The following ZDHHC17 variants were observed in gnomAD, a reference collection of about 807,000 sequenced individuals.
ZDHHC17 encodes palmitoyltransferase ZDHHC17.
In ZDHHC17, 40 loss-of-function variants were observed where a neutral mutation model predicts 90.3. That is an observed-to-expected ratio of 0.44 (90% CI 0.34 to 0.58). ZDHHC17 has a LOEUF of 0.58. ZDHHC17 is among the 20% of genes least tolerant of loss of function. ZDHHC17 has a pLI of 0.01. For missense variants in ZDHHC17, 614 were observed against 780.8 expected, an observed-to-expected ratio of 0.79 and a Z score of 2.55; for synonymous variants, 235 against 252.4, an observed-to-expected ratio of 0.93 and a Z score of 0.65.
intron 2 of ZDHHC17, among the ~76,000 whole-genome samples, chr12:76,799,902 G>T (rs1186071975): frequency 6.6e-6 from 1 of 152,156 alleles, no homozygotes; most frequent in Non-Finnish European, 1.5e-5. Flanking sequence ...CACAATGAGA[G>T]ATCTTTGGGG....
intron 10 of ZDHHC17, among the ~76,000 whole-genome samples, chr12:76,837,242 T>G (rs2137797678): frequency 6.6e-6 from 1 of 152,300 alleles, no homozygotes; most frequent in African/African-American, 2.4e-5. Context: ...TTCAGGTGGC[T>G]CTTGTGCCTC....
intron 15 of ZDHHC17, 78 bp downstream of exon 15, chr12:76,848,468 C>T: frequency 7.1e-7 from 1 of 1,411,418 alleles, no homozygotes; most frequent in Non-Finnish European, 9.6e-7. Flanking sequence ...AATATATTCT[C>T]TTCCTAACCA....
At position 76,846,941 on chromosome 12, in the gene ZDHHC17, C is replaced by T. The variant is rs546062592; in HGVS notation, c.1507+262C>T. Among the ~76,000 whole-genome samples the T allele has an allele frequency of 8.5e-5, 13 of 152,314 alleles. No individual in the cohort carries two copies. In the South Asian group the frequency reaches 2.5e-3, roughly 29 times the overall value. ...TATTGGTTTAATAGGCTTTGAGAAGCTTCTGGGTGAAATACATCAACATTT... is the reference window on the plus strand; with the variant it reads ...TATTGGTTTAATAGGCTTTGAGAAGTTTCTGGGTGAAATACATCAACATTT... On this transcript the variant is annotated intron_variant, in intron 14 of 16. Coordinates refer to ENST00000426126, the MANE Select transcript of ZDHHC17 (RefSeq NM_015336.4).
At chr12:76,819,024 G>A (rs1206035161) in intron 7 of ZDHHC17, among the ~76,000 whole-genome samples, 1 of 152,166 alleles carries the variant, frequency 6.6e-6, no homozygotes, top group East Asian at 1.9e-4. Flanking sequence ...GAGGTAGAGA[G>A]AAATGACTGG....
At chr12:76,766,568 C>T (rs902060296) in intron 1 of ZDHHC17, among the ~76,000 whole-genome samples, 3 of 152,206 alleles carry the variant, frequency 2.0e-5, no homozygotes, top group Non-Finnish European at 4.4e-5. Flanking sequence ...CATTCTCTGT[C>T]TTGGTAAGTA....
chr12:76,781,370 T>C (rs1221218218), intron 1 of ZDHHC17, among the ~76,000 whole-genome samples: 1 of 152,236 alleles, frequency 6.6e-6, no homozygotes, highest in Non-Finnish European at 1.5e-5. Flanking sequence ...ACTTGTATTT[T>C]AATAGGTGCT....
rs554928688 is a variant in ZDHHC17 at position 76,847,056 on chromosome 12, CTTAAAA to C, written c.1507+383_1507+388del. ...CTTACCAAGCAGTTGGGAAAATATA[CTTAAAA>C]TTAAATTTGCAGAGAATTTGAAATA... On this transcript the variant is annotated intron_variant, in intron 14 of 16. Coordinates refer to ENST00000426126, the MANE Select transcript of ZDHHC17 (RefSeq NM_015336.4). 1.4e-4 allele frequency among the ~76,000 whole-genome samples: 21 copies of C among 152,286 alleles called. No homozygotes were observed. In the South Asian group the frequency reaches 4.1e-3, roughly 30 times the overall value.
At chr12:76,787,450 G>A (rs1592465625) in intron 1 of ZDHHC17, among the ~76,000 whole-genome samples, 1 of 152,192 alleles carries the variant, frequency 6.6e-6, no homozygotes, top group East Asian at 1.9e-4. Context: ...GAATAAGGAT[G>A]ATTGAACAGC....
intron 11 of ZDHHC17, 141 bp from the exon 12 acceptor site, chr12:76,842,777 AT>A: frequency 3.3e-6 from 2 of 610,066 alleles, no homozygotes; most frequent in Non-Finnish European, 5.6e-6. Context: ...ATAGCAGTAA[AT>A]AAAAGATTTT....
chr12:76,847,596 A>G (rs1453288499), intron 14 of ZDHHC17, among the ~76,000 whole-genome samples: 3 of 152,208 alleles, frequency 2.0e-5, no homozygotes, highest in African/African-American at 7.2e-5. Flanking sequence ...CTCATTGCCT[A>G]TAATCCCAAA....
chr12:76,841,551 T>A (rs191446719), intron 10 of ZDHHC17, among the ~76,000 whole-genome samples: 217 of 152,272 alleles, frequency 1.4e-3, no homozygotes, highest in African/African-American at 4.9e-3. Context: ...AATTTCAGTG[T>A]GTTCAAAAAA....
At chr12:76,843,162 G>A (rs1246309514) in intron 12 of ZDHHC17, among the ~76,000 whole-genome samples, 181 bp downstream of exon 12, 2 of 152,098 alleles carry the variant, frequency 1.3e-5, no homozygotes, top group Admixed American at 6.6e-5. Flanking sequence ...TTCCTCGATG[G>A]TAGGCCTTGA....
chr12:76,794,196 T>G (rs991264283), intron 1 of ZDHHC17, among the ~76,000 whole-genome samples: 1 of 152,184 alleles, frequency 6.6e-6, no homozygotes, highest in Non-Finnish European at 1.5e-5. Context: ...AATTACAGGA[T>G]TTTAAAGAGT....
intron 7 of ZDHHC17, 44 bp from the exon 8 acceptor site, chr12:76,822,362 G>A (rs1325606700): frequency 1.9e-6 from 3 of 1,600,520 alleles, no homozygotes; most frequent in Non-Finnish European, 8.5e-7. Context: ...AAGATAGCCT[G>A]CTTTTAAACT....
At chr12:76,832,179 G>A (rs936019848) in intron 10 of ZDHHC17, among the ~76,000 whole-genome samples, 1 of 152,172 alleles carries the variant, frequency 6.6e-6, no homozygotes, top group Non-Finnish European at 1.5e-5. Flanking sequence ...ACACAGAGTA[G>A]GTTATAATGG....
At chr12:76,764,759 C>T (rs1239123264) in intron 1 of ZDHHC17, 2 of 460,674 alleles carry the variant, frequency 4.3e-6, no homozygotes, top group Admixed American at 2.3e-5. Flanking sequence ...TCTATTGCTT[C>T]CTTTTAGTCC....
chr12:76,766,587 A>G (rs1952434120), intron 1 of ZDHHC17, among the ~76,000 whole-genome samples: 2 of 152,244 alleles, frequency 1.3e-5, no homozygotes, highest in Non-Finnish European at 2.9e-5. Flanking sequence ...TAATGAAATA[A>G]TAGTACTTTT....
intron 1 of ZDHHC17, among the ~76,000 whole-genome samples, chr12:76,789,784 C>T (rs1015517474): frequency 6.6e-6 from 1 of 151,756 alleles, no homozygotes; most frequent in African/African-American, 2.4e-5. Flanking sequence ...ATGAGAAAAA[C>T]GTCAAAGAAA....
At chr12:76,841,737 T>C (rs142300213) in intron 10 of ZDHHC17, among the ~76,000 whole-genome samples, 4 of 152,224 alleles carry the variant, frequency 2.6e-5, no homozygotes, top group African/African-American at 9.6e-5. Flanking sequence ...GTCAAAAAAT[T>C]AGTCATTTAA....
Sources: allele counts gnomAD v4.1 joint callset (sites outside exome capture counted in the v4.1 genomes callset), GRCh38; gene constraint gnomAD v4.1.1; transcripts MANE v1.5; gene names NCBI Gene and HGNC (gene_info 2026-07-23, HGNC 2026-07-21).